SLC7A6: variants seen among roughly 807,000 people sequenced by gnomAD.
SLC7A6 encodes solute carrier family 7 member 6.
A neutral mutation model predicts 46.6 loss-of-function variants in SLC7A6; 29 were observed. The ratio of observed to expected loss-of-function variants is 0.62; its 90% confidence interval spans 0.46 to 0.85. SLC7A6 has a LOEUF of 0.85. Ranked by LOEUF, SLC7A6 falls within the 40% of genes least tolerant of loss-of-function variation. The pLI, the probability that SLC7A6 is intolerant of heterozygous loss-of-function variation, is 0.00. For missense variants in SLC7A6, 527 were observed against 647.6 expected, an observed-to-expected ratio of 0.81 and a Z score of 2.02; for synonymous variants, 276 against 257.3, an observed-to-expected ratio of 1.07 and a Z score of -0.70.
chr16:68,288,553 C>T (rs984007250), intron 4 of SLC7A6, among the ~76,000 whole-genome samples: 1 of 152,180 alleles, frequency 6.6e-6, no homozygotes, highest in Non-Finnish European at 1.5e-5. Context: ...CAGCCCAGTT[C>T]TCTAGGTCAT....
intron 2 of SLC7A6, among the ~76,000 whole-genome samples, chr16:68,269,753 CAAAA>C (rs11306082): frequency 7.1e-6 from 1 of 141,780 alleles, no homozygotes. Flanking sequence ...GACTCTGTCT[CAAAA>C]AAAAAAAAAA....
Position 68,274,735 on chromosome 16 carries a change from C to T in SLC7A6, c.9C>T (p.Ala3=), listed in dbSNP as rs377088390. The change falls in exon 3 of 11, where the codon GCC becomes GCT. Residue 3 remains alanine (A), a synonymous_variant. Transcript: ENST00000219343. The stretch of plus-strand genomic sequence containing the variant: ...TGCAGGAACCGTTTGTCATGGAAGC[C>T]AGGGAGCCTGGGAGGCCCACACCCA... The part of the protein sequence containing the change: ME[A]REPGRPTPTY... The T allele has an allele frequency of 2.5e-6, 4 of 1,613,888 alleles. No individual in the cohort carries two copies. The highest frequency in any genetic ancestry group is 2.7e-5 in the African/African-American group (2 of 74,918).
chr16:68,265,330 A>C (rs557259916), intron 1 of SLC7A6, among the ~76,000 whole-genome samples: 3 of 152,274 alleles, frequency 2.0e-5, no homozygotes, highest in African/African-American at 4.8e-5. Flanking sequence ...CATTCTGAAA[A>C]TTCTTTGCTG....
chr16:68,291,610 T>C lies in SLC7A6; in HGVS notation c.971T>C (p.Val324Ala), dbSNP rs1597003612. Residue 324 changes from valine (V) to alanine (A), a missense_variant, in exon 7 of 11, where the codon GTT becomes GCT. Physicochemically the swap from Val to Ala is moderately conservative, Grantham distance 64. Transcript: ENST00000219343. ...GMFSWTIPIA[V>A]ALSCFGGLNA... ...TTCAGCTGGACCATCCCCATTGCTGTTGCCCTGTCCTGCTTTGGGGGCCTC... is the reference window on the plus strand; with the variant it reads ...TTCAGCTGGACCATCCCCATTGCTGCTGCCCTGTCCTGCTTTGGGGGCCTC... The C allele has an allele frequency of 6.2e-7, 1 of 1,614,196 alleles. No homozygotes were observed. The highest frequency in any genetic ancestry group is 1.6e-4 in the Middle Eastern group (1 of 6,062).
intron 4 of SLC7A6, among the ~76,000 whole-genome samples, chr16:68,289,845 G>A (rs2043012154): frequency 6.6e-6 from 1 of 152,168 alleles, no homozygotes; most frequent in Non-Finnish European, 1.5e-5. Flanking sequence ...ACCGCAAGTA[G>A]AGCAGCATAG....
At chr16:68,296,889 T>C in intron 10 of SLC7A6, 79 bp downstream of exon 10, 1 of 1,449,400 alleles carries the variant, frequency 6.9e-7, no homozygotes. Flanking sequence ...GCTAACAGCT[T>C]CCCCATACTC....
At chr16:68,293,372 C>T (rs369959115) in intron 7 of SLC7A6, among the ~76,000 whole-genome samples, 10 of 152,264 alleles carry the variant, frequency 6.6e-5, no homozygotes, top group East Asian at 3.9e-4. Context: ...TGCAGTGAGC[C>T]GAGATCGCGC....
rs1360857648 is a variant in SLC7A6, at chr16:68,296,374, C to T, written c.1130C>T (p.Ala377Val). The T allele has an allele frequency of 6.2e-7, 1 of 1,613,978 alleles. No homozygotes were observed. The highest frequency in any genetic ancestry group is 2.2e-5 in the East Asian group (1 of 44,876). ...ACCCCTTTCCCACAGTGCACCATGG[C>T]ACTCATCTACCTCATCGTGGAGGAT... ...IPALLFNCTM[A>V]LIYLIVEDVF... The change falls in exon 9 of 11, where the codon GCA becomes GTA. Residue 377 changes from alanine (A) to valine (V), a missense_variant. Transcript: ENST00000219343.
rs946129028 is a variant in SLC7A6, at chr16:68,301,330, A to G, written c.*4002A>G. ...ATAGCCGAACTCCTTCTGCACATCC[A>G]GAGGGTACTTGCTCCACATCCGCTG... On this transcript the variant is annotated 3_prime_UTR_variant, in exon 11 of 11. Coordinates refer to ENST00000219343, the MANE Select transcript of SLC7A6 (RefSeq NM_003983.6). 1.2e-6 allele frequency: 2 copies of G among 1,614,058 alleles called. No homozygotes were observed. Among genetic ancestry groups the G allele is most frequent in the Non-Finnish European group, 1.7e-6 (2 of 1,180,032 alleles).
At chr16:68,285,022 C>T (rs922791850) in intron 3 of SLC7A6, among the ~76,000 whole-genome samples, 40 of 151,352 alleles carry the variant, frequency 2.6e-4, no homozygotes, top group African/African-American at 9.3e-4. Flanking sequence ...AGGTGTGCAC[C>T]GCTGCCCCGG....
chr16:68,267,903 A>T (rs2042562861), intron 2 of SLC7A6, among the ~76,000 whole-genome samples: 1 of 152,150 alleles, frequency 6.6e-6, no homozygotes, highest in Admixed American at 6.5e-5. Context: ...CTATGTAATG[A>T]AGCCTCTATA....
At position 68,287,789 on chromosome 16, in the gene SLC7A6, A is replaced by G. The variant is rs1176669134; in HGVS notation, c.567A>G (p.Thr189=). The change falls in exon 4 of 11, where the codon ACA becomes ACG. Residue 189 remains threonine, a synonymous_variant. Transcript: ENST00000219343. Reference sequence around the variant, plus strand: ...ACTGTGCCTATGTCAAGTGGGGCACACGTGTGCAGGACACGTTCACTTACG... The same window carrying G: ...ACTGTGCCTATGTCAAGTGGGGCACGCGTGTGCAGGACACGTTCACTTACG... ...FVNCAYVKWG[T]RVQDTFTYAK... 1 of 1,614,226 alleles carries G rather than the reference A, an allele frequency of 6.2e-7. No homozygotes were observed. Among genetic ancestry groups the G allele is most frequent in the Admixed American group, 1.7e-5 (1 of 60,032 alleles).
intron 1 of SLC7A6, among the ~76,000 whole-genome samples, chr16:68,266,048 C>T (rs2042527116): frequency 6.6e-6 from 1 of 152,054 alleles, no homozygotes; most frequent in African/African-American, 2.4e-5. Context: ...ATCACGGGGT[C>T]AGGAGATCGA....
chr16:68,275,209 C>T lies in SLC7A6; in HGVS notation c.483C>T (p.Pro161=). ...IIQPSFPSCD[P]PYLACRLLAA... is the part of the protein sequence containing the mutation. ...AGCCGTCCTTCCCCAGCTGTGATCC[C>T]CCATACCTGGCCTGCCGTCTCCTGG... The change falls in exon 3 of 11, where the codon CCC becomes CCT. Residue 161 remains proline (P), a synonymous_variant. Transcript: ENST00000219343. 1 of 1,613,796 alleles carries T rather than the reference C, an allele frequency of 6.2e-7. No individual in the cohort carries two copies. The highest frequency in any genetic ancestry group is 8.5e-7 in the Non-Finnish European group (1 of 1,179,932).
chr16:68,273,648 C>G (rs1379218872), intron 2 of SLC7A6: 2 of 152,168 alleles, frequency 1.3e-5, no homozygotes, highest in African/African-American at 2.4e-5. Context: ...GATGTCCTTT[C>G]TCTACCCTGT....
chr16:68,278,329 C>A (rs1419443937), intron 3 of SLC7A6, among the ~76,000 whole-genome samples: 1 of 147,040 alleles, frequency 6.8e-6, no homozygotes, highest in Non-Finnish European at 1.5e-5. Flanking sequence ...TTTTATTGAT[C>A]ATTCTTGGGT....
intron 2 of SLC7A6, among the ~76,000 whole-genome samples, chr16:68,267,995 G>T (rs1025673921): frequency 1.3e-5 from 2 of 152,192 alleles, no homozygotes; most frequent in Admixed American, 1.3e-4. Context: ...CTCCCTGGGA[G>T]GACAAGGAAA....
Position 68,301,117 on chromosome 16 carries a change from T to C in SLC7A6, c.*3789T>C. ...AAAAGACTCACTCCCCTAACATAAG[T>C]TTTCACTGTGGTGGGATGGTGCCGC... On this transcript the variant is annotated 3_prime_UTR_variant, in exon 11 of 11. Coordinates refer to ENST00000219343, the MANE Select transcript of SLC7A6 (RefSeq NM_003983.6). The C allele has an allele frequency of 3.7e-6, 5 of 1,365,180 alleles. No individual in the cohort carries two copies. The highest frequency in any genetic ancestry group is 4.7e-6 in the Non-Finnish European group (5 of 1,055,334). 84.6% of individuals were successfully genotyped at this position (1,365,180 alleles called of 1,614,324 possible).
chr16:68,268,539 C>A (rs944339256), intron 2 of SLC7A6, among the ~76,000 whole-genome samples: 4 of 152,168 alleles, frequency 2.6e-5, no homozygotes, highest in African/African-American at 9.7e-5. Context: ...TGTAATCGAG[C>A]TTTTCCCCCC....
Sources: allele counts gnomAD v4.1 joint callset (sites outside exome capture counted in the v4.1 genomes callset), GRCh38; gene constraint gnomAD v4.1.1; transcripts MANE v1.5; gene names NCBI Gene and HGNC (gene_info 2026-07-23, HGNC 2026-07-21).